FSTL5: variants seen among roughly 807,000 people sequenced by gnomAD.
FSTL5 encodes the protein follistatin-related protein 5.
FSTL5 carries 62 observed loss-of-function variants against 89.1 expected under a neutral mutation model. That is an observed-to-expected ratio of 0.70 (90% CI 0.57 to 0.86). The LOEUF is 0.86. FSTL5 is among the 40% of genes least tolerant of loss of function. FSTL5 has a pLI of 0.00. For missense variants in FSTL5, 1,057 were observed against 1,001.6 expected (o/e 1.06, Z -0.75); for synonymous variants, 383 against 346.2 (o/e 1.11, Z -1.18).
At chr4:161,591,490 TTAAAA>T (rs1480443286) in intron 7 of FSTL5, among the ~76,000 whole-genome samples, 7 of 151,944 alleles carry the variant, frequency 4.6e-5, no homozygotes, top group African/African-American at 1.5e-4. Flanking sequence ...AAAGCTGTTG[TTAAAA>T]TAAAATCTAT....
Position 161,824,990 on chromosome 4 carries a change from T to C in FSTL5, c.410-48916A>G, listed in dbSNP as rs552831829. ...GGTTCAAATTCTCAGAGGAATGCTT[T>C]CAACTTCTCTCCATTCAGTGTAATG... On this transcript the variant is annotated intron_variant, in intron 4 of 15. Coordinates refer to ENST00000306100, the MANE Select transcript of FSTL5 (RefSeq NM_020116.5). 7.9e-5 allele frequency among the ~76,000 whole-genome samples: 12 copies of C among 152,314 alleles called. No homozygotes were observed. In the South Asian group the frequency reaches 2.5e-3, roughly 32 times the overall value.
chr4:161,508,037 A>G (rs1359428374), intron 11 of FSTL5, among the ~76,000 whole-genome samples: 1 of 152,026 alleles, frequency 6.6e-6, no homozygotes. Context: ...TCTCAGAAAT[A>G]TGTAGCTCAT....
intron 7 of FSTL5, among the ~76,000 whole-genome samples, chr4:161,643,700 A>G (rs1736043194): frequency 6.6e-6 from 1 of 152,216 alleles, no homozygotes; most frequent in Non-Finnish European, 1.5e-5. Flanking sequence ...GTAGTAAAAA[A>G]TCAATATGCT....
At chr4:161,794,006 T>C (rs564368050) in intron 4 of FSTL5, among the ~76,000 whole-genome samples, 3 of 152,126 alleles carry the variant, frequency 2.0e-5, no homozygotes, top group Admixed American at 6.6e-5. Flanking sequence ...GTCAGGAAAG[T>C]AAGACAAACA....
At chr4:162,139,155 G>T (rs1380990386) in intron 1 of FSTL5, among the ~76,000 whole-genome samples, 2 of 151,940 alleles carry the variant, frequency 1.3e-5, no homozygotes, top group Admixed American at 6.6e-5. Context: ...GTAATGGTGA[G>T]GTCTGGGTTT....
At chr4:162,020,578 G>T (rs893513674) in intron 3 of FSTL5, among the ~76,000 whole-genome samples, 1 of 152,010 alleles carries the variant, frequency 6.6e-6, no homozygotes, top group Non-Finnish European at 1.5e-5. Context: ...AGAGAAAATG[G>T]AGTCTTAGAC....
chr4:161,858,019 A>G (rs1038868405), intron 4 of FSTL5, among the ~76,000 whole-genome samples: 1 of 152,184 alleles, frequency 6.6e-6, no homozygotes, highest in African/African-American at 2.4e-5. Flanking sequence ...CCTTAAATTC[A>G]TATGTTGAAA....
At chr4:161,395,675 G>C (rs551240550) in intron 15 of FSTL5, among the ~76,000 whole-genome samples, 1 of 152,064 alleles carries the variant, frequency 6.6e-6, no homozygotes, top group Non-Finnish European at 1.5e-5. Flanking sequence ...AACTGTGGGA[G>C]ATTTTTTTCT....
intron 3 of FSTL5, among the ~76,000 whole-genome samples, chr4:161,941,189 A>T (rs1734571832): frequency 6.6e-6 from 1 of 151,896 alleles, no homozygotes. Flanking sequence ...GCAAATGAAA[A>T]CAGTATACTA....
At chr4:161,748,666 C>T (rs903430774) in intron 6 of FSTL5, among the ~76,000 whole-genome samples, 9 of 143,414 alleles carry the variant, frequency 6.3e-5, no homozygotes, top group South Asian at 2.2e-4. Flanking sequence ...AAGACTTACA[C>T]GATTGGCGAA....
chr4:161,480,699 C>T (rs1167222991), intron 13 of FSTL5, among the ~76,000 whole-genome samples: 1 of 152,126 alleles, frequency 6.6e-6, no homozygotes, highest in Non-Finnish European at 1.5e-5. Flanking sequence ...CTTAATTGGC[C>T]TCTGCCTGCT....
At chr4:161,580,552 T>C (rs998505376) in intron 8 of FSTL5, among the ~76,000 whole-genome samples, 2 of 152,112 alleles carry the variant, frequency 1.3e-5, no homozygotes, top group African/African-American at 2.4e-5. Context: ...ATGAGATTCA[T>C]AACTATGGAA....
intron 10 of FSTL5, among the ~76,000 whole-genome samples, chr4:161,527,800 T>C (rs1203225528): frequency 4.6e-5 from 7 of 151,458 alleles, no homozygotes; most frequent in Admixed American, 1.3e-4. Flanking sequence ...ACTGGGTATA[T>C]ACCCAAAGGA....
Position 161,386,276 on chromosome 4 carries a change from G to T in FSTL5, c.2015C>A (p.Ala672Glu), listed in dbSNP as rs757491654. The change falls in exon 16 of 16, where the codon GCA (alanine) becomes GAA (glutamate). Residue 672 changes from alanine (A) to glutamate (E), a missense_variant. By Grantham distance (107) the Ala-to-Glu change is moderately radical. Transcript: ENST00000306100. ...GTCCACCATGACCTGTGGGGAAACT[G>T]CTCCGGTGCTGTCAGGTTTGCAGCC... ...FIGCKPDSTG[A>E]VSPQVMVDGV... The T allele has an allele frequency of 1.1e-5, 18 of 1,613,884 alleles. No individual in the cohort carries two copies. Among genetic ancestry groups the T allele is most frequent in the Admixed American group, 3.3e-5 (2 of 59,970 alleles).
At chr4:161,858,752 G>A (rs746394747) in intron 4 of FSTL5, among the ~76,000 whole-genome samples, 91 of 152,186 alleles carry the variant, frequency 6.0e-4, no homozygotes, top group Non-Finnish European at 1.2e-3. Flanking sequence ...TCTTGCTTCT[G>A]CCTCTACTCC....
chr4:161,652,712 A>C (rs1280549836), intron 7 of FSTL5, among the ~76,000 whole-genome samples: 1 of 152,118 alleles, frequency 6.6e-6, no homozygotes, highest in Non-Finnish European at 1.5e-5. Flanking sequence ...AAGGGCAGTT[A>C]TGTTTTTAAA....
chr4:161,409,445 G>A (rs1294409761), intron 15 of FSTL5, among the ~76,000 whole-genome samples: 2 of 151,900 alleles, frequency 1.3e-5, no homozygotes, highest in African/African-American at 4.8e-5. Context: ...CCAGTGGCGT[G>A]ATCTTGGCCC....
intron 6 of FSTL5, among the ~76,000 whole-genome samples, chr4:161,757,513 A>G (rs28649372): frequency 0.25 from 37,508 of 152,090 alleles, 8,045 homozygotes; most frequent in African/African-American, 0.58. Context: ...CATAGACTTC[A>G]TAATTAGGTC....
At chr4:161,503,688 G>C (rs1288009822) in intron 11 of FSTL5, among the ~76,000 whole-genome samples, 3 of 151,896 alleles carry the variant, frequency 2.0e-5, no homozygotes, top group African/African-American at 7.2e-5. Context: ...AAAAGGACTG[G>C]TTTTAGATAA....
Sources: allele counts gnomAD v4.1 joint callset (sites outside exome capture counted in the v4.1 genomes callset), GRCh38; gene constraint gnomAD v4.1.1; transcripts MANE v1.5; gene names NCBI Gene and HGNC (gene_info 2026-07-23, HGNC 2026-07-21).